The following VPS13B variants were observed in gnomAD, a reference collection of about 807,000 sequenced individuals.
VPS13B encodes the protein vacuolar protein sorting 13 homolog B, also known as intermembrane lipid transfer protein VPS13B.
VPS13B carries 285 observed loss-of-function variants against 426.4 expected under a neutral mutation model. The ratio of observed to expected loss-of-function variants is 0.67; its 90% CI spans 0.61 to 0.74. The LOEUF (loss-of-function observed/expected upper bound fraction) is 0.74. VPS13B is among the 30% of genes least tolerant of loss of function. The pLI is 0.00. For synonymous variants in VPS13B, 1,676 were observed against 1,676.4 expected (o/e 1.00, Z 0.01); for missense variants, 4,537 against 4,782.6 (o/e 0.95, Z 1.51).
intron 31 of VPS13B, among the ~76,000 whole-genome samples, chr8:99,561,364 T>G (rs1331451649): frequency 6.6e-6 from 1 of 152,206 alleles, no homozygotes; most frequent in Admixed American, 6.5e-5. Flanking sequence ...TGTATATTCA[T>G]CCAAATTGTA....
intron 48 of VPS13B, 39 bp from the exon 49 acceptor site, chr8:99,819,882 A>G (rs1325947578): frequency 6.2e-7 from 1 of 1,605,498 alleles, no homozygotes; most frequent in Non-Finnish European, 8.5e-7. Flanking sequence ...TAAAGTTATC[A>G]TATTTCATTG....
At chr8:99,192,343 G>T (rs1217250509) in intron 16 of VPS13B, among the ~76,000 whole-genome samples, 1 of 152,154 alleles carries the variant, frequency 6.6e-6, no homozygotes, top group African/African-American at 2.4e-5. Context: ...AGGATAGAGG[G>T]CTGTGGATCA....
At chr8:99,092,504 G>A (rs1443179796) in intron 3 of VPS13B, among the ~76,000 whole-genome samples, 1 of 152,118 alleles carries the variant, frequency 6.6e-6, no homozygotes, top group Non-Finnish European at 1.5e-5. Context: ...CTGGTTAAAA[G>A]CAGATGATGA....
intron 16 of VPS13B, among the ~76,000 whole-genome samples, chr8:99,174,146 T>A (rs1476740454): frequency 6.6e-6 from 1 of 152,230 alleles, no homozygotes; most frequent in Non-Finnish European, 1.5e-5. Context: ...TGTAGCAGAA[T>A]TTCCTTCCTT....
intron 21 of VPS13B, among the ~76,000 whole-genome samples, chr8:99,392,985 G>A (rs138987821): frequency 6.6e-6 from 1 of 151,898 alleles, no homozygotes; most frequent in African/African-American, 2.4e-5. Context: ...TTAGAGTTTA[G>A]GTTTTACATA....
intron 21 of VPS13B, among the ~76,000 whole-genome samples, chr8:99,419,791 CAT>C (rs576391409): frequency 5.5e-4 from 83 of 152,256 alleles, no homozygotes; most frequent in Non-Finnish European, 1.1e-3. Flanking sequence ...AGAAGGTACA[CAT>C]ATGATTTGTT....
chr8:99,809,316 T>G, intron 43 of VPS13B, 59 bp from the exon 44 acceptor site: 4 of 1,608,278 alleles, frequency 2.5e-6, no homozygotes, highest in Non-Finnish European at 3.4e-6. Flanking sequence ...ACTTTCATTT[T>G]AGGACTAGGT....
chr8:99,462,179 T>G (rs545566014), intron 23 of VPS13B, among the ~76,000 whole-genome samples: 1 of 133,394 alleles, frequency 7.5e-6, no homozygotes, highest in Admixed American at 7.8e-5. Flanking sequence ...CCTCCCTCCC[T>G]CCCTCCATCT....
intron 19 of VPS13B, among the ~76,000 whole-genome samples, chr8:99,336,687 C>G (rs1405489262): frequency 6.6e-6 from 1 of 152,126 alleles, no homozygotes; most frequent in African/African-American, 2.4e-5. Context: ...ATAACCCCAT[C>G]AAAAAGTGGG....
chr8:99,582,215 T>C (rs549328643), intron 33 of VPS13B, among the ~76,000 whole-genome samples: 2 of 152,306 alleles, frequency 1.3e-5, no homozygotes, highest in South Asian at 4.1e-4. Flanking sequence ...CATTAGTTTA[T>C]TTATTATAAT....
rs1201572301 is a variant in VPS13B, at chr8:99,134,617, T to C, written c.1207-15T>C. Reference sequence around the variant, plus strand: ...ATACTAAATTTGATTTACTTAATATTCTTATATTTCTTAGCTCACAGAAAT... The same window carrying C: ...ATACTAAATTTGATTTACTTAATATCCTTATATTTCTTAGCTCACAGAAAT... On this transcript the variant is annotated splice_polypyrimidine_tract_variant and intron_variant, in intron 8 of 61. Transcript: ENST00000357162. The C allele has an allele frequency of 1.3e-6, 2 of 1,568,220 alleles. No homozygotes were observed. The highest frequency in any genetic ancestry group is 2.3e-5 in the East Asian group (1 of 44,370).
chr8:99,291,054 T>A (rs547694092), intron 19 of VPS13B, among the ~76,000 whole-genome samples: 2 of 152,190 alleles, frequency 1.3e-5, no homozygotes, highest in East Asian at 3.9e-4. Flanking sequence ...TGGATGAGGA[T>A]AAATGACAGG....
At chr8:99,429,358 T>C (rs1816955842) in intron 21 of VPS13B, among the ~76,000 whole-genome samples, 1 of 152,192 alleles carries the variant, frequency 6.6e-6, no homozygotes, top group Non-Finnish European at 1.5e-5. Context: ...TCTTAATTTT[T>C]ATTTCTTTGT....
intron 36 of VPS13B, among the ~76,000 whole-genome samples, chr8:99,716,717 AT>A (rs1832937641): frequency 6.6e-6 from 1 of 152,128 alleles, no homozygotes; most frequent in Admixed American, 6.6e-5. Context: ...ATATATTTTG[AT>A]TGTTTTGAAT....
At chr8:99,032,593 G>T (rs1296597939) in intron 2 of VPS13B, among the ~76,000 whole-genome samples, 1 of 148,178 alleles carries the variant, frequency 6.7e-6, no homozygotes, top group African/African-American at 2.5e-5. Flanking sequence ...GCAGTGGCGC[G>T]ATCTCAACTC....
At chr8:99,504,291 A>G (rs973592100) in intron 27 of VPS13B, among the ~76,000 whole-genome samples, 2 of 152,226 alleles carry the variant, frequency 1.3e-5, no homozygotes, top group Non-Finnish European at 2.9e-5. Context: ...TGATAGTGCC[A>G]TGCTTGTACA....
At chr8:99,068,941 T>G (rs1844702808) in intron 3 of VPS13B, among the ~76,000 whole-genome samples, 1 of 152,226 alleles carries the variant, frequency 6.6e-6, no homozygotes, top group Non-Finnish European at 1.5e-5. Context: ...ATATTTATTG[T>G]CTGGCCCTTT....
chr8:99,452,404 C>T (rs527834109), intron 23 of VPS13B, among the ~76,000 whole-genome samples: 1 of 152,184 alleles, frequency 6.6e-6, no homozygotes, highest in Admixed American at 6.6e-5. Flanking sequence ...ATCTGATTCC[C>T]CTACTAGGGT....
chr8:99,253,070 A>G (rs377292707), intron 17 of VPS13B, among the ~76,000 whole-genome samples: 5 of 152,282 alleles, frequency 3.3e-5, no homozygotes, highest in East Asian at 1.9e-4. Flanking sequence ...AATATTTTCT[A>G]TAAATGGAAT....
Sources: allele counts gnomAD v4.1 joint callset (sites outside exome capture counted in the v4.1 genomes callset), GRCh38; gene constraint gnomAD v4.1.1; transcripts MANE v1.5; gene names NCBI Gene and HGNC (gene_info 2026-07-23, HGNC 2026-07-21).